BNIPL: variants seen among roughly 807,000 people sequenced by gnomAD.
The protein encoded by BNIPL is BCL2 interacting protein like, also known as bcl-2/adenovirus E1B 19 kDa-interacting protein 2-like protein.
BNIPL carries 33 observed loss-of-function variants against 47.0 expected under a neutral mutation model. That is an observed-to-expected ratio of 0.70 (90% CI 0.53 to 0.94). The LOEUF (loss-of-function observed/expected upper bound fraction) is 0.94. Among genes scored for constraint, BNIPL ranks in the 40% least tolerant of loss-of-function variants. BNIPL has a pLI of 0.00. For synonymous variants in BNIPL, 145 were observed against 162.7 expected, an observed-to-expected ratio of 0.89 and a Z score of 0.83; for missense variants, 404 against 445.2, an observed-to-expected ratio of 0.91 and a Z score of 0.83.
chr1:151,046,604 G>T, intron 9 of BNIPL, 47 bp from the exon 10 acceptor site: 1 of 1,533,064 alleles, frequency 6.5e-7, no homozygotes, highest in Non-Finnish European at 9.0e-7. Flanking sequence ...TAAAACCCAA[G>T]TCCTACCCCC....
chr1:151,044,918 G>T, intron 7 of BNIPL: 1 of 1,290,630 alleles, frequency 7.7e-7, no homozygotes, highest in Non-Finnish European at 1.0e-6. Context: ...CGATGTAGAA[G>T]CATGCAAAAG....
chr1:151,037,508 C>A, intron 1 of BNIPL, 59 bp from the exon 2 acceptor site: 1 of 1,544,060 alleles, frequency 6.5e-7, no homozygotes, highest in Non-Finnish European at 8.8e-7. Context: ...TTCTTCATTT[C>A]AATTATTCTT....
chr1:151,038,965 C>T lies in BNIPL; in HGVS notation c.372C>T (p.Asp124=), dbSNP rs144241818. 3.8e-5 allele frequency: 62 copies of T among 1,612,004 alleles called. No individual in the cohort carries two copies. The East Asian group carries it at 6.0e-4, about 16-fold the overall frequency. ...SPDGSSDLEI[D]ELETPSDSEQ... ...ATGGCAGTTCTGACCTGGAGATAGA[C>T]GAATTGGAGACACCTTCAGACTCGG... The change falls in exon 4 of 10, where the codon GAC becomes GAT. Residue 124 remains aspartate, a synonymous_variant. Coordinates refer to ENST00000368931, the MANE Select transcript of BNIPL (RefSeq NM_138278.4).
rs587772412 is a variant in BNIPL, at chr1:151,043,541, C to G, written c.720-55C>G. The G allele has an allele frequency of 3.8e-6, 6 of 1,569,638 alleles. No homozygotes were observed. In the African/African-American group the frequency reaches 8.1e-5, roughly 21 times the overall value. ...GATGGGAGAGTCTACAGTAATGTTC[C>G]TCTCACTCTCTGAAGCCCCTAACAC... On this transcript the variant is annotated intron_variant, in intron 6 of 9. Coordinates refer to ENST00000368931, the MANE Select transcript of BNIPL (RefSeq NM_138278.4).
Position 151,046,700 on chromosome 1 carries a change from TA to T in BNIPL, c.*17del. On this transcript the variant is annotated 3_prime_UTR_variant, in exon 10 of 10. Transcript: ENST00000368931. ...AGGAGGGACATAGCACAGGACTGGA[TA>T]AAAGGCCTTAGAACCAGTTAGTGAT... The T allele has an allele frequency of 6.3e-7, 1 of 1,578,260 alleles. No individual in the cohort carries two copies. Among genetic ancestry groups the T allele is most frequent in the Non-Finnish European group, 8.7e-7 (1 of 1,149,176 alleles).
intron 7 of BNIPL, among the ~76,000 whole-genome samples, chr1:151,043,993 T>TG (rs200145639): frequency 0.011 from 1,648 of 152,158 alleles, 43 homozygotes; most frequent in African/African-American, 0.038. Flanking sequence ...TTTGTTTTTT[T>TG]GTTTTTTTTG....
chr1:151,046,159 TCAGA>T lies in BNIPL; in HGVS notation c.1035_1037+1del. Reference sequence around the variant, plus strand: ...GATCAAGTCCACATCCCTGAAGCTGTCAGACAGTGAGTTTCACACTTAAGAATAA... The same window carrying T: ...GATCAAGTCCACATCCCTGAAGCTGTCAGTGAGTTTCACACTTAAGAATAA... On this transcript the variant is annotated frameshift_variant and splice_region_variant, in exon 9 of 10. Coordinates refer to ENST00000368931, the MANE Select transcript of BNIPL (RefSeq NM_138278.4). LOFTEE classifies it high-confidence loss of function. 1 of 1,614,074 alleles carries T rather than the reference TCAGA, an allele frequency of 6.2e-7. No homozygotes were observed. The highest frequency in any genetic ancestry group is 1.1e-5 in the South Asian group (1 of 91,086).
chr1:151,037,540 A>G (rs1235814306), intron 1 of BNIPL, 27 bp from the exon 2 acceptor site: 8 of 1,580,410 alleles, frequency 5.1e-6, no homozygotes, highest in African/African-American at 1.4e-5. Context: ...AGTTCCCTTG[A>G]TCTTTTCTTC....
intron 5 of BNIPL, 52 bp downstream of exon 5, chr1:151,043,190 G>A: frequency 6.4e-7 from 1 of 1,574,356 alleles, no homozygotes; most frequent in Non-Finnish European, 8.7e-7. Flanking sequence ...TTAATAAAAT[G>A]CCTAAGCTGG....
rs752510093 is a variant in BNIPL at position 151,038,588 on chromosome 1, G to A, written c.202+20G>A. 8.4e-5 allele frequency: 136 copies of A among 1,610,272 alleles called. No homozygotes were observed. The Middle Eastern group carries it at 1.5e-3, about 18-fold the overall frequency. Reference sequence around the variant, plus strand: ...AGGCAGGTAGGTCAAGTAGAAACCAGGCCTCAAGTTCTTGATTCTAGTCCA... The same window carrying A: ...AGGCAGGTAGGTCAAGTAGAAACCAAGCCTCAAGTTCTTGATTCTAGTCCA... On this transcript the variant is annotated intron_variant, in intron 3 of 9. Coordinates refer to ENST00000368931, the MANE Select transcript of BNIPL (RefSeq NM_138278.4).
rs201384045 is a variant in BNIPL, at chr1:151,043,723, C to T, written c.847C>T (p.Arg283Trp). The stretch of plus-strand genomic sequence containing the variant: ...ACGTCAGTGTTACCGTACCCTGGAT[C>T]GGCGGTGAGACCTGGGATGAGAGGG... The part of the protein sequence containing the change: ...WIRQCYRTLD[R>W]RLRKNLRALV... The change falls in exon 7 of 10, where the codon CGG becomes TGG. Residue 283 changes from arginine to tryptophan, a missense_variant. Transcript: ENST00000368931. 2.4e-5 allele frequency: 38 copies of T among 1,613,166 alleles called. No homozygotes were observed. Among genetic ancestry groups the T allele is most frequent in the Non-Finnish European group, 2.9e-5 (34 of 1,179,374 alleles).
At chr1:151,037,438 G>C (rs1276527338) in intron 1 of BNIPL, 129 bp from the exon 2 acceptor site, 2 of 1,438,074 alleles carry the variant, frequency 1.4e-6, no homozygotes, top group Non-Finnish European at 1.8e-6. Flanking sequence ...CATCTGTATA[G>C]GAGGCAAGAG....
At chr1:151,041,488 A>C (rs1053667434) in intron 4 of BNIPL, among the ~76,000 whole-genome samples, 1 of 152,106 alleles carries the variant, frequency 6.6e-6, no homozygotes, top group African/African-American at 2.4e-5. Context: ...AGCCCTAGCT[A>C]CTTGGGAAGC....
In BNIPL at chr1:151,037,677, G is replaced by T; in HGVS notation, c.137+15G>T. 1 of 1,574,852 alleles carries T rather than the reference G, an allele frequency of 6.3e-7. No homozygotes were observed. The highest frequency in any genetic ancestry group is 2.3e-5 in the East Asian group (1 of 43,094). ...GAATTCCCTAGGTGAGGACGTGTGA[G>T]GGTGGCTGGGAGAAGGGAGGGGTGG... is the stretch of plus-strand genomic sequence containing the variant. On this transcript the variant is annotated intron_variant, in intron 2 of 9. Transcript: ENST00000368931.
rs1571832311 is a variant in BNIPL, at chr1:151,036,687, C to A, written c.-39C>A. 1 of 1,576,716 alleles carries A rather than the reference C, an allele frequency of 6.3e-7. No individual in the cohort carries two copies. Among genetic ancestry groups the A allele is most frequent in the Non-Finnish European group, 8.7e-7 (1 of 1,146,288 alleles). On this transcript the variant is annotated 5_prime_UTR_variant, in exon 1 of 10. Transcript: ENST00000368931. ...TGGGACAACCAGCTCCCCAACAACT[C>A]CTAGGTGTTTAAAGAAGGAGGCAGG...
intron 4 of BNIPL, among the ~76,000 whole-genome samples, chr1:151,040,833 T>C (rs1293462329): frequency 6.6e-6 from 1 of 150,922 alleles, no homozygotes; most frequent in Admixed American, 6.6e-5. Flanking sequence ...GCTCTTTCTA[T>C]TGCTATGGAA....
intron 1 of BNIPL, chr1:151,037,282 T>C: frequency 9.3e-7 from 1 of 1,071,108 alleles, no homozygotes; most frequent in South Asian, 2.4e-5. Context: ...CAGCCACTTG[T>C]AATGTGGGAC....
At position 151,042,997 on chromosome 1, in the gene BNIPL, G is replaced by A; in HGVS notation, c.475G>A (p.Ala159Thr). Residue 159 changes from alanine to threonine, a missense_variant, in exon 5 of 10, where the codon GCT becomes ACT. Ala to Thr is a moderately conservative substitution (Grantham distance 58). Transcript: ENST00000368931. ...AGAGGGTCTGGGCACCAGTGAGACA[G>A]CTGAAAGGCTGGGCCGAGGTTGTAT... ...RAEGLGTSET[A>T]ERLGRGCMWD... The A allele has an allele frequency of 6.2e-7, 1 of 1,607,932 alleles. No homozygotes were observed. Among genetic ancestry groups the A allele is most frequent in the Non-Finnish European group, 8.5e-7 (1 of 1,178,488 alleles).
chr1:151,040,456 C>T (rs1350490050), intron 4 of BNIPL, among the ~76,000 whole-genome samples: 1 of 150,120 alleles, frequency 6.7e-6, no homozygotes, highest in East Asian at 2.1e-4. Context: ...GTTGGGATTA[C>T]AGGCATGAGC....
Sources: gnomAD v4.1 joint callset for allele counts (sites outside exome capture counted in the v4.1 genomes callset) on GRCh38, gnomAD v4.1.1 for gene constraint, MANE v1.5 for transcripts, NCBI Gene and HGNC (gene_info 2026-07-23, HGNC 2026-07-21) for gene names.